The following GABRG3 variants were observed in gnomAD, a reference collection of about 807,000 sequenced individuals.
The protein encoded by GABRG3 is gamma-aminobutyric acid receptor subunit gamma-3.
Under a neutral mutation model 48.8 loss-of-function variants are expected in GABRG3, and 25 were observed. The ratio of observed to expected loss-of-function variants is 0.51; its 90% CI spans 0.37 to 0.72. The LOEUF is 0.72. Ranked by LOEUF, GABRG3 falls within the 30% of genes least tolerant of loss-of-function variation. GABRG3 has a pLI of 0.00. For synonymous variants in GABRG3, 227 were observed against 217.6 expected (o/e 1.04, Z -0.38); for missense variants, 394 against 577.9 (o/e 0.68, Z 3.26).
At chr15:27,521,220 G>A (rs73371568) in intron 7 of GABRG3, among the ~76,000 whole-genome samples, 10,355 of 152,010 alleles carry the variant, frequency 0.068, 1,212 homozygotes, top group African/African-American at 0.24. Flanking sequence ...AGAATTTCAC[G>A]GTGCAGTCAG....
chr15:27,397,876 C>T (rs1887358929), intron 5 of GABRG3, among the ~76,000 whole-genome samples: 1 of 150,242 alleles, frequency 6.7e-6, no homozygotes, highest in African/African-American at 2.5e-5. Flanking sequence ...GCGATCTCGG[C>T]TCACTGCAAG....
At chr15:27,192,025 CTT>C (rs1022069081) in intron 3 of GABRG3, among the ~76,000 whole-genome samples, 13 of 151,580 alleles carry the variant, frequency 8.6e-5, no homozygotes, top group Admixed American at 8.6e-4. Context: ...GTTGAAAATT[CTT>C]TTCTTTAAGA....
At chr15:27,161,550 C>A (rs999460299) in intron 3 of GABRG3, among the ~76,000 whole-genome samples, 1 of 152,028 alleles carries the variant, frequency 6.6e-6, no homozygotes, top group East Asian at 1.9e-4. Context: ...AATGTTTTTT[C>A]TTTTATGTTT....
rs189216900 is a variant in GABRG3 at position 27,010,852 on chromosome 15, C to T, written c.203-15902C>T. Among the ~76,000 whole-genome samples, 253 of 152,034 alleles carry T rather than the reference C, an allele frequency of 1.7e-3. 2 individuals are homozygous for T. The highest frequency in any genetic ancestry group is 6.7e-3 in the South Asian group (32 of 4,810). On this transcript the variant is annotated intron_variant, in intron 2 of 9. Coordinates refer to ENST00000615808, the MANE Select transcript of GABRG3 (RefSeq NM_033223.5). ...GGTTGTTTTTGTTTGTTTGTTTGTT[C>T]GTTTTGTTTTTGATATGGAGTGTCA...
chr15:27,444,696 T>C (rs1374990659), intron 5 of GABRG3, among the ~76,000 whole-genome samples: 2 of 152,200 alleles, frequency 1.3e-5, no homozygotes, highest in Non-Finnish European at 2.9e-5. Context: ...CACTTTGCTG[T>C]TTCTCCTCCT....
chr15:27,370,394 G>T (rs886373710), intron 5 of GABRG3, among the ~76,000 whole-genome samples: 12 of 152,204 alleles, frequency 7.9e-5, no homozygotes, highest in African/African-American at 2.9e-4. Context: ...TTGTTCTGCA[G>T]CTCTTGCTTG....
intron 5 of GABRG3, among the ~76,000 whole-genome samples, chr15:27,427,767 G>T (rs1013952719): frequency 2.0e-5 from 3 of 152,130 alleles, no homozygotes; most frequent in Non-Finnish European, 2.9e-5. Flanking sequence ...TCTTCAGTAT[G>T]TTGGAAATTT....
chr15:27,165,931 A>G (rs374880668), intron 3 of GABRG3, among the ~76,000 whole-genome samples: 2 of 152,224 alleles, frequency 1.3e-5, no homozygotes, highest in African/African-American at 4.8e-5. Flanking sequence ...CATAAGTCCA[A>G]GAAGTGAGAG....
intron 3 of GABRG3, among the ~76,000 whole-genome samples, chr15:27,325,724 C>T (rs1893590702): frequency 6.6e-6 from 1 of 152,066 alleles, no homozygotes; most frequent in African/African-American, 2.4e-5. Flanking sequence ...CTGGCATACT[C>T]AGTGAAGCAA....
At chr15:27,516,894 A>G (rs544276537) in intron 6 of GABRG3, among the ~76,000 whole-genome samples, 36 of 152,366 alleles carry the variant, frequency 2.4e-4, no homozygotes, top group Admixed American at 6.5e-4. Context: ...TAAAACAAGT[A>G]TTTGGGATTG....
chr15:27,487,648 C>T (rs1478692744), intron 6 of GABRG3, among the ~76,000 whole-genome samples: 1 of 152,172 alleles, frequency 6.6e-6, no homozygotes, highest in Non-Finnish European at 1.5e-5. Flanking sequence ...AACAGTACAT[C>T]CCCTGGCATG....
At chr15:27,084,734 C>G (rs1595513938) in intron 3 of GABRG3, among the ~76,000 whole-genome samples, 1 of 152,240 alleles carries the variant, frequency 6.6e-6, no homozygotes, top group African/African-American at 2.4e-5. Context: ...GGAACAGACT[C>G]TACGCTAGTT....
intron 2 of GABRG3, among the ~76,000 whole-genome samples, chr15:26,985,491 T>A (rs1225129021): frequency 1.3e-5 from 2 of 152,236 alleles, no homozygotes; most frequent in African/African-American, 2.4e-5. Flanking sequence ...AATTTTTAAA[T>A]GAGTCTTCTT....
At chr15:27,217,685 C>T (rs1200958129) in intron 3 of GABRG3, among the ~76,000 whole-genome samples, 2 of 152,186 alleles carry the variant, frequency 1.3e-5, no homozygotes, top group Non-Finnish European at 2.9e-5. Context: ...AGTGCACTCT[C>T]ACTACGATTT....
rs141411147 is a variant in GABRG3, at chr15:27,500,651, G to A, written c.713-19321G>A. 4.5e-3 allele frequency among the ~76,000 whole-genome samples: 682 copies of A among 152,226 alleles called. 13 individuals are homozygous for A. The highest frequency in any genetic ancestry group is 0.03 in the South Asian group (146 of 4,822). On this transcript the variant is annotated intron_variant, in intron 6 of 9. Transcript: ENST00000615808. ...TCCCTAAGCCCCACCTGCTAATTTAGTCCTAAAAATGTATCCAGCCTACTC... is the reference window on the plus strand; with the variant it reads ...TCCCTAAGCCCCACCTGCTAATTTAATCCTAAAAATGTATCCAGCCTACTC...
At chr15:27,440,767 T>TA (rs1888760127) in intron 5 of GABRG3, among the ~76,000 whole-genome samples, 1 of 152,240 alleles carries the variant, frequency 6.6e-6, no homozygotes, top group Non-Finnish European at 1.5e-5. Context: ...GAATTAGAGT[T>TA]ACTCCTTAAA....
chr15:27,430,944 C>G (rs1011577259), intron 5 of GABRG3, among the ~76,000 whole-genome samples: 1 of 151,680 alleles, frequency 6.6e-6, no homozygotes, highest in South Asian at 2.1e-4. Context: ...AAGCCGAGAT[C>G]GCTGCACTGT....
chr15:27,313,043 A>T (rs1197966497), intron 3 of GABRG3, among the ~76,000 whole-genome samples: 1 of 149,848 alleles, frequency 6.7e-6, no homozygotes, highest in Non-Finnish European at 1.5e-5. Flanking sequence ...TGGAAAAAAA[A>T]AACTCCATGC....
At chr15:27,418,362 G>A (rs537593261) in intron 5 of GABRG3, among the ~76,000 whole-genome samples, 1 of 152,348 alleles carries the variant, frequency 6.6e-6, no homozygotes, top group East Asian at 1.9e-4. Context: ...GGAGAGGTGC[G>A]TGGCCTCAGG....
Sources: gnomAD v4.1 joint callset for allele counts (sites outside exome capture counted in the v4.1 genomes callset) on GRCh38, gnomAD v4.1.1 for gene constraint, MANE v1.5 for transcripts, NCBI Gene and HGNC (gene_info 2026-07-23, HGNC 2026-07-21) for gene names.